Variants in GRID1 observed in about 807,000 individuals in gnomAD.
The protein encoded by GRID1 is glutamate receptor ionotropic, delta-1.
GRID1 carries 28 observed loss-of-function variants against 98.0 expected under a neutral mutation model. That is an observed-to-expected ratio of 0.29 (90% CI 0.21 to 0.39). The LOEUF (loss-of-function observed/expected upper bound fraction) is 0.39. Ranked by LOEUF, GRID1 falls within the 10% of genes least tolerant of loss-of-function variation. The pLI is 1.00. For missense variants in GRID1, 1,111 were observed against 1,340.5 expected, an observed-to-expected ratio of 0.83 and a Z score of 2.67; for synonymous variants, 553 against 538.5, an observed-to-expected ratio of 1.03 and a Z score of -0.37.
chr10:85,866,677 C>T lies in GRID1; in HGVS notation c.951+2333G>A, dbSNP rs139204508. Among the ~76,000 whole-genome samples, 458 of 152,118 alleles carry T rather than the reference C, an allele frequency of 3.0e-3. 3 individuals are homozygous for T. The highest frequency in any genetic ancestry group is 9.5e-3 in the African/African-American group (394 of 41,496). ...AACTGAATGCTTTCCGTATGTTCTCCGATTTAATTTTAATTATGACTCTGG... is the reference window on the plus strand; with the variant it reads ...AACTGAATGCTTTCCGTATGTTCTCTGATTTAATTTTAATTATGACTCTGG... On this transcript the variant is annotated intron_variant, in intron 6 of 15. Coordinates refer to ENST00000327946, the MANE Select transcript of GRID1 (RefSeq NM_017551.3).
At chr10:86,086,965 ATGCAC>A (rs1428871149) in intron 4 of GRID1, among the ~76,000 whole-genome samples, 3 of 152,236 alleles carry the variant, frequency 2.0e-5, no homozygotes, top group Non-Finnish European at 4.4e-5. Context: ...CTGTACATAC[ATGCAC>A]TGTCGTTGTT....
At chr10:86,155,725 G>A (rs1305145659) in intron 3 of GRID1, among the ~76,000 whole-genome samples, 5 of 152,178 alleles carry the variant, frequency 3.3e-5, no homozygotes, top group Admixed American at 1.3e-4. Flanking sequence ...CCTAAACGAG[G>A]GGACAGGTTA....
chr10:85,940,270 T>C (rs188521801), intron 4 of GRID1, among the ~76,000 whole-genome samples: 52 of 152,236 alleles, frequency 3.4e-4, no homozygotes, highest in African/African-American at 1.2e-3. Context: ...TTTCCAACAC[T>C]CTGCTCTTAT....
chr10:85,621,635 A>G (rs913865630), intron 13 of GRID1, among the ~76,000 whole-genome samples: 3 of 152,256 alleles, frequency 2.0e-5, no homozygotes, highest in South Asian at 2.1e-4. Flanking sequence ...TGTGCCACTC[A>G]TTGACTTTCA....
At chr10:86,136,786 G>T (rs541671568) in intron 4 of GRID1, among the ~76,000 whole-genome samples, 2 of 152,110 alleles carry the variant, frequency 1.3e-5, no homozygotes, top group Non-Finnish European at 2.9e-5. Context: ...CTTGACTGAC[G>T]TTAAGAGTCC....
chr10:85,924,232 A>G (rs964543020), intron 4 of GRID1, among the ~76,000 whole-genome samples: 1 of 152,242 alleles, frequency 6.6e-6, no homozygotes, highest in African/African-American at 2.4e-5. Context: ...TGCATGGTGC[A>G]TGGTACTCTG....
intron 2 of GRID1, among the ~76,000 whole-genome samples, chr10:86,332,468 C>T (rs1229495158): frequency 1.3e-5 from 2 of 152,066 alleles, no homozygotes; most frequent in Non-Finnish European, 2.9e-5. Context: ...CCTGGGATGG[C>T]CTCTCACCCC....
At chr10:85,913,585 T>C (rs1010318268) in intron 5 of GRID1, among the ~76,000 whole-genome samples, 2 of 151,794 alleles carry the variant, frequency 1.3e-5, no homozygotes, top group Non-Finnish European at 2.9e-5. Flanking sequence ...AGGTCGGGAG[T>C]TCGAGGCCAG....
intron 8 of GRID1, among the ~76,000 whole-genome samples, chr10:85,803,588 C>G (rs1186467094): frequency 6.6e-6 from 1 of 151,192 alleles, no homozygotes. Flanking sequence ...AAATTAATAA[C>G]AAAAGCATTT....
intron 4 of GRID1, among the ~76,000 whole-genome samples, chr10:86,044,569 G>T (rs932681805): frequency 6.6e-6 from 1 of 152,122 alleles, no homozygotes; most frequent in African/African-American, 2.4e-5. Flanking sequence ...AGGGTCCTGA[G>T]ACCTCACCTC....
intron 8 of GRID1, among the ~76,000 whole-genome samples, chr10:85,771,103 A>G (rs1842260891): frequency 6.6e-6 from 1 of 152,242 alleles, no homozygotes; most frequent in African/African-American, 2.4e-5. Flanking sequence ...AGGGAAGCCC[A>G]TCAGACTAAC....
intron 4 of GRID1, among the ~76,000 whole-genome samples, chr10:85,965,334 C>T (rs373117345): frequency 6.6e-6 from 1 of 152,160 alleles, no homozygotes; most frequent in African/African-American, 2.4e-5. Context: ...GACACATGCA[C>T]ACATATGTTT....
chr10:85,637,459 C>G (rs892190596), intron 13 of GRID1, among the ~76,000 whole-genome samples: 1 of 152,186 alleles, frequency 6.6e-6, no homozygotes, highest in Non-Finnish European at 1.5e-5. Context: ...GCCTATAGAA[C>G]TCAGGAGGCT....
At chr10:85,902,646 G>A (rs7086790) in intron 5 of GRID1, among the ~76,000 whole-genome samples, 6,298 of 152,196 alleles carry the variant, frequency 0.041, 294 homozygotes, top group East Asian at 0.19. Context: ...GTGTGGCATC[G>A]GGTATGGAGT....
At chr10:86,062,191 T>C (rs1329624981) in intron 4 of GRID1, among the ~76,000 whole-genome samples, 3 of 152,186 alleles carry the variant, frequency 2.0e-5, no homozygotes, top group Non-Finnish European at 4.4e-5. Flanking sequence ...GGGGCTCTTA[T>C]TCAGAGAATG....
Position 85,916,139 on chromosome 10 carries a change from T to G in GRID1, c.780+47A>C. 1 of 1,373,960 alleles carries G rather than the reference T, an allele frequency of 7.3e-7. No homozygotes were observed. The highest frequency in any genetic ancestry group is 1.0e-6 in the Non-Finnish European group (1 of 961,536). 85.1% of individuals were successfully genotyped at this position (1,373,960 alleles called of 1,614,324 possible). On this transcript the variant is annotated intron_variant, in intron 5 of 15. Transcript: ENST00000327946. This position sits in a 1 kb window ranked among gnomAD's most constrained non-coding sequence, Gnocchi z 4.0. ...AATCACACTGAGCTTTACAAGGGGC[T>G]AGGGGCTCAGTCCAGGCCGTGCTCA...
At chr10:85,650,259 C>T (rs1159530681) in intron 12 of GRID1, 1 of 152,146 alleles carries the variant, frequency 6.6e-6, no homozygotes. Flanking sequence ...GATAGGACGC[C>T]CATTCTAGCA....
At chr10:86,220,497 A>G (rs1210363721) in intron 2 of GRID1, among the ~76,000 whole-genome samples, 1 of 152,172 alleles carries the variant, frequency 6.6e-6, no homozygotes. Flanking sequence ...CAGGTAACTT[A>G]CCACCCACTG....
intron 8 of GRID1, among the ~76,000 whole-genome samples, chr10:85,828,875 G>A (rs1409647397): frequency 6.6e-6 from 1 of 152,026 alleles, no homozygotes; most frequent in South Asian, 2.1e-4. Context: ...ATTCCACCAG[G>A]TGTATAAAGA....
Sources: gnomAD v4.1 joint callset for allele counts (sites outside exome capture counted in the v4.1 genomes callset) on GRCh38, gnomAD v4.1.1 for gene constraint, Gnocchi (gnomAD v3.1) non-coding constraint, MANE v1.5 for transcripts, NCBI Gene and HGNC (gene_info 2026-07-23, HGNC 2026-07-21) for gene names.